The following RHOF variants were observed in gnomAD, a reference collection of about 807,000 sequenced individuals.
RHOF encodes rho-related GTP-binding protein RhoF.
In RHOF, 21 loss-of-function variants were observed where a neutral mutation model predicts 22.2. The ratio of observed to expected loss-of-function variants is 0.95; its 90% CI spans 0.67 to 1.36. RHOF has a LOEUF of 1.36. RHOF is among the 40% of genes most tolerant of loss of function. The pLI, the probability that RHOF is intolerant of heterozygous loss-of-function variation, is 0.00. For synonymous variants in RHOF, 135 were observed against 131.2 expected, an observed-to-expected ratio of 1.03 and a Z score of -0.20; for missense variants, 285 against 293.7, an observed-to-expected ratio of 0.97 and a Z score of 0.22.
intron 2 of RHOF, among the ~76,000 whole-genome samples, chr12:121,784,044 C>T (rs531706380): frequency 2.0e-5 from 3 of 152,312 alleles, no homozygotes; most frequent in African/African-American, 7.2e-5. Flanking sequence ...ATGTCCCAGC[C>T]TTTGTGCTTG....
chr12:121,779,334 A>C lies in RHOF; in HGVS notation c.*164T>G. 1.3e-6 allele frequency: 1 copy of C among 746,486 alleles called. No individual in the cohort carries two copies. The highest frequency in any genetic ancestry group is 2.1e-6 in the Non-Finnish European group (1 of 470,982). The allele number at this position is 746,486 out of a possible 1,614,324, so 46.2% of individuals were successfully genotyped here. The stretch of plus-strand genomic sequence containing the variant: ...AGCCTGGAGGGGAGTTTGTGGTCAG[A>C]GCCCCAGCCAGGAAAGGAGAGAGTT... On this transcript the variant is annotated 3_prime_UTR_variant, in exon 5 of 5. Coordinates refer to ENST00000267205, the MANE Select transcript of RHOF (RefSeq NM_019034.3).
rs35474958 is a variant in RHOF, at chr12:121,778,450, CAA to C, written c.*1046_*1047del. On this transcript the variant is annotated 3_prime_UTR_variant, in exon 5 of 5. Transcript: ENST00000267205. ...TGAGTGACAGAATGAGACTCTGTCC[CAA>C]AAAAAAAAAAAAAAAAAAATTCCCA... 1.4e-3 allele frequency: 128 copies of C among 90,842 alleles called. No individual in the cohort carries two copies. Among genetic ancestry groups the C allele is most frequent in the African/African-American group, 2.6e-3 (68 of 25,982 alleles). The allele number at this position is 90,842 out of a possible 1,614,324, so 5.6% of individuals were successfully genotyped here. A position where few individuals can be genotyped will look rare whatever the true frequency, so the allele number is the denominator to read the frequency against.
intron 2 of RHOF, among the ~76,000 whole-genome samples, chr12:121,785,945 C>T (rs1874597552): frequency 6.7e-6 from 1 of 148,300 alleles, no homozygotes; most frequent in Non-Finnish European, 1.5e-5. Flanking sequence ...GACAGAATCT[C>T]ACTCTATCGC....
intron 2 of RHOF, among the ~76,000 whole-genome samples, chr12:121,791,102 G>A (rs1422776874): frequency 6.6e-6 from 1 of 151,672 alleles, no homozygotes; most frequent in Non-Finnish European, 1.5e-5. Flanking sequence ...TTGAACTCCT[G>A]GCTTCAAGCA....
In RHOF at chr12:121,780,955, C is replaced by G. The variant is rs148962846; in HGVS notation, c.388G>C (p.Gly130Arg). The change falls in exon 4 of 5, where the codon GGC becomes CGC. Residue 130 changes from glycine to arginine, a missense_variant. Physicochemically the swap from Gly to Arg is moderately radical, Grantham distance 125. Coordinates refer to ENST00000267205, the MANE Select transcript of RHOF (RefSeq NM_019034.3). ...TCCTTCCTCAGGTCTGTCTTGCAGC[C>G]GATGAGCACCATGGGGATCCCGCGG... Reference protein sequence around the residue: ...FCRGIPMVLIGCKTDLRKDKE... With the variant: ...FCRGIPMVLIRCKTDLRKDKE... The G allele has an allele frequency of 1.2e-6, 2 of 1,614,088 alleles. No individual in the cohort carries two copies. The highest frequency in any genetic ancestry group is 1.7e-6 in the Non-Finnish European group (2 of 1,179,988).
At chr12:121,789,390 C>G (rs1874703915) in intron 2 of RHOF, among the ~76,000 whole-genome samples, 1 of 152,148 alleles carries the variant, frequency 6.6e-6, no homozygotes, top group South Asian at 2.1e-4. Flanking sequence ...GAGGCTCATG[C>G]CGCACACAGG....
chr12:121,791,655 A>C (rs1350908641), intron 2 of RHOF, among the ~76,000 whole-genome samples: 3 of 152,216 alleles, frequency 2.0e-5, no homozygotes, highest in African/African-American at 7.2e-5. Context: ...ATCTACTCTG[A>C]CATGTTCCTT....
intron 2 of RHOF, among the ~76,000 whole-genome samples, chr12:121,792,909 C>G (rs530834099): frequency 5.7e-4 from 87 of 152,370 alleles, no homozygotes; most frequent in African/African-American, 2.0e-3. Context: ...GCTGTGGGCT[C>G]TCAGCACAGA....
At chr12:121,791,627 C>T (rs1874766821) in intron 2 of RHOF, among the ~76,000 whole-genome samples, 2 of 152,212 alleles carry the variant, frequency 1.3e-5, no homozygotes, top group African/African-American at 2.4e-5. Context: ...TGCAGCTTTC[C>T]AGAATCTCCA....
chr12:121,781,252 G>T lies in RHOF; in HGVS notation c.227-60C>A. On this transcript the variant is annotated intron_variant, in intron 2 of 4. Transcript: ENST00000267205. Reference sequence around the variant, plus strand: ...CCCCTCCCTGTCTGGACTCTGACGGGTGAAGGGGAAGGGGCCAGGCAAGTG... The same window carrying T: ...CCCCTCCCTGTCTGGACTCTGACGGTTGAAGGGGAAGGGGCCAGGCAAGTG... 2.0e-6 allele frequency: 3 copies of T among 1,502,928 alleles called. No individual in the cohort carries two copies. The South Asian group carries it at 3.5e-5, about 17-fold the overall frequency. The allele number at this position is 1,502,928 out of a possible 1,614,324, so 93.1% of individuals were successfully genotyped here.
chr12:121,786,141 C>T (rs1395970982), intron 2 of RHOF, among the ~76,000 whole-genome samples: 3 of 151,744 alleles, frequency 2.0e-5, no homozygotes, highest in South Asian at 2.1e-4. Flanking sequence ...AGGATGGTCT[C>T]GATCTCCTGA....
Position 121,787,553 on chromosome 12 carries a change from T to G in RHOF, c.226+5599A>C, listed in dbSNP as rs1324394762. Among the ~76,000 whole-genome samples, 4 of 152,232 alleles carry G rather than the reference T, an allele frequency of 2.6e-5. No homozygotes were observed. In the East Asian group the frequency reaches 7.7e-4, roughly 29 times the overall value. The stretch of plus-strand genomic sequence containing the variant: ...TGGAGATGTGAAAAGTGAGCGAGCC[T>G]TGATGACAGTCATAATAAAGATGGT... On this transcript the variant is annotated intron_variant, in intron 2 of 4. Transcript: ENST00000267205.
chr12:121,787,019 C>T (rs1372116321), intron 2 of RHOF, among the ~76,000 whole-genome samples: 1 of 152,108 alleles, frequency 6.6e-6, no homozygotes, highest in Non-Finnish European at 1.5e-5. Context: ...GCCTGAGGAA[C>T]ACAGCGAGAC....
In RHOF at chr12:121,793,666, C is replaced by CTGGG; in HGVS notation, c.-34_-33insCCCA. 4.0e-6 allele frequency: 6 copies of CTGGG among 1,498,734 alleles called. No homozygotes were observed. Among genetic ancestry groups the CTGGG allele is most frequent in the Non-Finnish European group, 5.3e-6 (6 of 1,131,580 alleles). 92.8% of individuals were successfully genotyped at this position (1,498,734 alleles called of 1,614,324 possible). ...AGCCCGCAGCACTGGCGGCGGCGCG[C>CTGGG]CGGGCACTAGCGGAGCCAAGAGGTC... On this transcript the variant is annotated 5_prime_UTR_variant, in exon 1 of 5. Transcript: ENST00000267205.
At chr12:121,780,762 T>C (rs1031833247) in intron 4 of RHOF, 110 bp downstream of exon 4, 4 of 1,253,886 alleles carry the variant, frequency 3.2e-6, no homozygotes, top group Non-Finnish European at 4.4e-6. Context: ...CTTAGAATCT[T>C]GCTTCCCTCA....
chr12:121,779,539 CCTT>C lies in RHOF; in HGVS notation c.592_594del (p.Lys198del). The C allele has an allele frequency of 1.2e-6, 2 of 1,613,178 alleles. No individual in the cohort carries two copies. The highest frequency in any genetic ancestry group is 1.7e-6 in the Non-Finnish European group (2 of 1,179,394). ...AGCCGGCGCTTCTTCTGCCGTTGCG[CCTT>C]CTTCAGAGCGCTGAGAGCCACCTTG... On this transcript the variant is annotated inframe_deletion, in exon 5 of 5. Coordinates refer to ENST00000267205, the MANE Select transcript of RHOF (RefSeq NM_019034.3).
intron 1 of RHOF, 84 bp downstream of exon 1, chr12:121,793,412 G>C (rs1874817660): frequency 1.3e-6 from 2 of 1,508,646 alleles, no homozygotes; most frequent in African/African-American, 2.8e-5. Context: ...CCGTGCTCGG[G>C]ACGCTGGGGA....
rs1448491395 is a variant in RHOF, at chr12:121,793,249, A to G, written c.139-10T>C. On this transcript the variant is annotated splice_polypyrimidine_tract_variant and intron_variant, in intron 1 of 4. Coordinates refer to ENST00000267205, the MANE Select transcript of RHOF (RefSeq NM_019034.3). ...CCGATGGGGCGTAGTGCTGCGGGAGAGGGGGTCGGGTTGGTCCTTAGTGGG... is the reference window on the plus strand; with the variant it reads ...CCGATGGGGCGTAGTGCTGCGGGAGGGGGGGTCGGGTTGGTCCTTAGTGGG... 7 of 1,550,462 alleles carry G rather than the reference A, an allele frequency of 4.5e-6. No homozygotes were observed. The highest frequency in any genetic ancestry group is 6.1e-6 in the Non-Finnish European group (7 of 1,146,620).
At chr12:121,787,328 T>C (rs978944533) in intron 2 of RHOF, among the ~76,000 whole-genome samples, 2 of 152,170 alleles carry the variant, frequency 1.3e-5, no homozygotes, top group African/African-American at 4.8e-5. Flanking sequence ...GTGGGGACAG[T>C]TCTTCCTGTT....
Sources: allele counts gnomAD v4.1 joint callset (sites outside exome capture counted in the v4.1 genomes callset), GRCh38; gene constraint gnomAD v4.1.1; transcripts MANE v1.5; gene names NCBI Gene and HGNC (gene_info 2026-07-23, HGNC 2026-07-21).